PPP1R21: variants seen among roughly 807,000 people sequenced by gnomAD.
PPP1R21 encodes the protein protein phosphatase 1 regulatory subunit 21.
PPP1R21 carries 85 observed loss-of-function variants against 112.8 expected under a neutral mutation model. The ratio of observed to expected loss-of-function variants is 0.75; its 90% CI spans 0.63 to 0.90. The LOEUF is 0.90. Ranked by LOEUF, PPP1R21 falls within the 40% of genes least tolerant of loss-of-function variation. The probability of loss-of-function intolerance (pLI) is 0.00; values close to 1 mark genes in which losing one functional copy is unlikely to be tolerated. For synonymous variants in PPP1R21, 381 were observed against 322.3 expected, an observed-to-expected ratio of 1.18 and a Z score of -1.95; for missense variants, 1,199 against 901.5, an observed-to-expected ratio of 1.33 and a Z score of -4.23.
intron 3 of PPP1R21, among the ~76,000 whole-genome samples, chr2:48,456,840 C>T (rs551069590): frequency 3.3e-5 from 5 of 152,080 alleles, no homozygotes; most frequent in Non-Finnish European, 7.4e-5. Context: ...ATCAGGAGGT[C>T]AGGAGTTGGA....
chr2:48,454,022 G>T (rs146920000), intron 2 of PPP1R21, among the ~76,000 whole-genome samples: 2,313 of 152,268 alleles, frequency 0.015, 32 homozygotes, highest in Non-Finnish European at 0.024. Flanking sequence ...ACTTTGGGAG[G>T]CCGAGGCAGG....
At position 48,455,124 on chromosome 2, in the gene PPP1R21, C is replaced by T. The variant is rs138085483; in HGVS notation, c.273+383C>T. Among the ~76,000 whole-genome samples, 1,120 of 151,596 alleles carry T rather than the reference C, an allele frequency of 7.4e-3. 14 individuals are homozygous for T. The highest frequency in any genetic ancestry group is 0.025 in the African/African-American group (1,052 of 41,356). On this transcript the variant is annotated intron_variant, in intron 3 of 21. Transcript: ENST00000294952. ...AAGTGCTATGATTACAGGCATGAGCCATCATTCCCGGCCCTGAATTTTTTT... is the reference window on the plus strand; with the variant it reads ...AAGTGCTATGATTACAGGCATGAGCTATCATTCCCGGCCCTGAATTTTTTT...
At chr2:48,441,903 T>C (rs1667047143) in intron 1 of PPP1R21, among the ~76,000 whole-genome samples, 1 of 152,232 alleles carries the variant, frequency 6.6e-6, no homozygotes, top group African/African-American at 2.4e-5. Context: ...CTTTTTGCAA[T>C]TTGGAGAAAC....
intron 16 of PPP1R21, among the ~76,000 whole-genome samples, chr2:48,496,598 G>A (rs550037639): frequency 3.7e-4 from 57 of 152,112 alleles, no homozygotes; most frequent in African/African-American, 1.4e-3. Flanking sequence ...CTCCAGAGTC[G>A]CTGGGATTAC....
Position 48,455,445 on chromosome 2 carries a change from G to A in PPP1R21, c.273+704G>A, listed in dbSNP as rs146043526. Among the ~76,000 whole-genome samples the A allele has an allele frequency of 1.1e-3, 160 of 151,872 alleles. 3 individuals are homozygous for A. The East Asian group carries it at 0.024, about 23-fold the overall frequency. On this transcript the variant is annotated intron_variant, in intron 3 of 21. Coordinates refer to ENST00000294952, the MANE Select transcript of PPP1R21 (RefSeq NM_001135629.3). ...GGCCTGAGCCACCGTGCCTGGCCCC[G>A]GCCCTGAATTTTTAATGTTCCGTTG... is the stretch of plus-strand genomic sequence containing the variant.
At chr2:48,478,908 C>T (rs1356600149) in intron 12 of PPP1R21, among the ~76,000 whole-genome samples, 1 of 152,230 alleles carries the variant, frequency 6.6e-6, no homozygotes, top group Non-Finnish European at 1.5e-5. Context: ...TGTTTTAAGG[C>T]TTGCTTATCT....
At chr2:48,501,770 C>G (rs182655386) in intron 17 of PPP1R21, among the ~76,000 whole-genome samples, 5 of 151,676 alleles carry the variant, frequency 3.3e-5, no homozygotes, top group Admixed American at 2.0e-4. Context: ...CATTGTGCCA[C>G]TGTACTCCAG....
intron 6 of PPP1R21, among the ~76,000 whole-genome samples, chr2:48,460,480 C>T (rs1348632954): frequency 1.3e-5 from 2 of 152,148 alleles, no homozygotes; most frequent in Non-Finnish European, 2.9e-5. Context: ...AACTGATAAT[C>T]ACCATGCCAA....
intron 1 of PPP1R21, among the ~76,000 whole-genome samples, chr2:48,450,347 G>A (rs1325535565): frequency 1.3e-5 from 2 of 152,170 alleles, no homozygotes; most frequent in Non-Finnish European, 2.9e-5. Context: ...AGGATTGTGA[G>A]GATTAGATGA....
intron 1 of PPP1R21, among the ~76,000 whole-genome samples, chr2:48,447,133 G>A (rs1326342488): frequency 2.0e-5 from 3 of 152,182 alleles, no homozygotes; most frequent in Non-Finnish European, 4.4e-5. Flanking sequence ...TAATTTTAAA[G>A]AGATGTTTTG....
At position 48,470,897 on chromosome 2, in the gene PPP1R21, C is replaced by T. The variant is rs114603968; in HGVS notation, c.898-190C>T. Among the ~76,000 whole-genome samples, 165 of 152,206 alleles carry T rather than the reference C, an allele frequency of 1.1e-3. 1 individual carries two copies. The highest frequency in any genetic ancestry group is 3.8e-3 in the African/African-American group (158 of 41,524). ...ATCATCTGGGACTATTAGAGGGGAG[C>T]ATCTGTGTTTAGCTTTTAAACCAAA... On this transcript the variant is annotated intron_variant, in intron 9 of 21. Coordinates refer to ENST00000294952, the MANE Select transcript of PPP1R21 (RefSeq NM_001135629.3).
At chr2:48,462,983 T>C (rs541027209) in intron 7 of PPP1R21, among the ~76,000 whole-genome samples, 1 of 152,274 alleles carries the variant, frequency 6.6e-6, no homozygotes, top group East Asian at 1.9e-4. Context: ...AAGATGGTGA[T>C]GCAGTTGACC....
At chr2:48,511,073 G>GT (rs1670615700) in intron 20 of PPP1R21, among the ~76,000 whole-genome samples, 1 of 152,056 alleles carries the variant, frequency 6.6e-6, no homozygotes, top group South Asian at 2.1e-4. Context: ...GTACATGTTT[G>GT]GGGGGGACAT....
rs1050969976 is a variant in PPP1R21 at position 48,484,533 on chromosome 2, T to C, written c.1319-2098T>C. Among the ~76,000 whole-genome samples the C allele has an allele frequency of 1.8e-4, 21 of 118,986 alleles. No homozygotes were observed. In the South Asian group the frequency reaches 3.2e-3, roughly 18 times the overall value. The allele number at this position is 118,986 out of a possible 152,430, so 78.1% of individuals were successfully genotyped here. A position where few individuals can be genotyped will look rare whatever the true frequency, so the allele number is the denominator to read the frequency against. ...AATAAACTTTTTTTTTTTTTTTTTTTCTGGACTGATTCTTGCTCTGTTGCC... is the reference window on the plus strand; with the variant it reads ...AATAAACTTTTTTTTTTTTTTTTTTCCTGGACTGATTCTTGCTCTGTTGCC... On this transcript the variant is annotated intron_variant, in intron 13 of 21. Coordinates refer to ENST00000294952, the MANE Select transcript of PPP1R21 (RefSeq NM_001135629.3).
chr2:48,447,235 G>A lies in PPP1R21; in HGVS notation c.58-3773G>A, dbSNP rs117108973. Among the ~76,000 whole-genome samples, 128 of 152,230 alleles carry A rather than the reference G, an allele frequency of 8.4e-4. 3 individuals carry two copies. The East Asian group carries it at 0.023, about 27-fold the overall frequency. Reference sequence around the variant, plus strand: ...TTAGGAAAAATTATGGAGGAAGTAGGGCCAGTAGGTAAAAAGTAGGATCCT... The same window carrying A: ...TTAGGAAAAATTATGGAGGAAGTAGAGCCAGTAGGTAAAAAGTAGGATCCT... On this transcript the variant is annotated intron_variant, in intron 1 of 21. Transcript: ENST00000294952.
chr2:48,506,754 C>T (rs904662270), intron 18 of PPP1R21, among the ~76,000 whole-genome samples: 1 of 152,012 alleles, frequency 6.6e-6, no homozygotes, highest in Non-Finnish European at 1.5e-5. Context: ...GACCATCCTG[C>T]CTAACACGGT....
At chr2:48,457,124 C>T (rs762173217) in intron 3 of PPP1R21, among the ~76,000 whole-genome samples, 21 of 151,916 alleles carry the variant, frequency 1.4e-4, no homozygotes, top group Non-Finnish European at 2.6e-4. Flanking sequence ...GAACTTCAAA[C>T]ATGTTCTTCA....
At chr2:48,475,191 A>G (rs1288159831) in intron 12 of PPP1R21, among the ~76,000 whole-genome samples, 3 of 151,910 alleles carry the variant, frequency 2.0e-5, no homozygotes, top group African/African-American at 7.3e-5. Context: ...CATCTCTACA[A>G]AAAATTTAAA....
At chr2:48,449,369 T>C (rs887575276) in intron 1 of PPP1R21, among the ~76,000 whole-genome samples, 2 of 152,198 alleles carry the variant, frequency 1.3e-5, no homozygotes, top group Non-Finnish European at 2.9e-5. Flanking sequence ...TAGCTGGTTA[T>C]AGTGAATTTC....
Sources: gnomAD v4.1 joint callset for allele counts (sites outside exome capture counted in the v4.1 genomes callset) on GRCh38, gnomAD v4.1.1 for gene constraint, MANE v1.5 for transcripts, NCBI Gene and HGNC (gene_info 2026-07-23, HGNC 2026-07-21) for gene names.